NELL1: variants seen among roughly 807,000 people sequenced by gnomAD.
NELL1 encodes the protein neural EGFL like 1, also known as protein kinase C-binding protein NELL1.
In NELL1, 76 loss-of-function variants were observed where a neutral mutation model predicts 107.4. The observed-to-expected ratio is 0.71, with a 90% CI of 0.59 to 0.86. NELL1 has a LOEUF of 0.86. NELL1 is among the 40% of genes least tolerant of loss of function. The probability of loss-of-function intolerance (pLI) is 0.00; values close to 1 mark genes in which losing one functional copy is unlikely to be tolerated. For missense variants in NELL1, 1,024 were observed against 1,005.5 expected, an observed-to-expected ratio of 1.02 and a Z score of -0.25; for synonymous variants, 353 against 341.2, an observed-to-expected ratio of 1.03 and a Z score of -0.38.
In NELL1 at chr11:20,723,776, G is replaced by C. The variant is rs149679515; in HGVS notation, c.184+45716G>C. Among the ~76,000 whole-genome samples the C allele has an allele frequency of 2.1e-3, 319 of 152,264 alleles. 1 individual carries two copies. Among genetic ancestry groups the C allele is most frequent in the Non-Finnish European group, 3.5e-3 (236 of 68,020 alleles). On this transcript the variant is annotated intron_variant, in intron 2 of 19. Coordinates refer to ENST00000357134, the MANE Select transcript of NELL1 (RefSeq NM_006157.5). The stretch of plus-strand genomic sequence containing the variant: ...CACATTTTCCTTCCACACTGGCCTA[G>C]CAGAGGTTTTCCGTGAGGGCTCTGC...
intron 14 of NELL1, among the ~76,000 whole-genome samples, chr11:21,249,685 G>A (rs1296137745): frequency 6.6e-6 from 1 of 152,076 alleles, no homozygotes; most frequent in Non-Finnish European, 1.5e-5. Flanking sequence ...ATTGAATCAA[G>A]GAAATGCATA....
chr11:20,763,890 G>A (rs902704923), intron 2 of NELL1, among the ~76,000 whole-genome samples: 1 of 152,182 alleles, frequency 6.6e-6, no homozygotes, highest in Non-Finnish European at 1.5e-5. Context: ...GAGATGTGCT[G>A]GGGAGGGTCT....
At chr11:20,992,526 G>A (rs556239409) in intron 12 of NELL1, among the ~76,000 whole-genome samples, 2 of 152,104 alleles carry the variant, frequency 1.3e-5, no homozygotes, top group African/African-American at 4.8e-5. Context: ...TCTGTTCATA[G>A]TTTTTTGTCA....
At chr11:20,822,803 T>A (rs1335303874) in intron 3 of NELL1, among the ~76,000 whole-genome samples, 2 of 152,164 alleles carry the variant, frequency 1.3e-5, no homozygotes, top group Non-Finnish European at 2.9e-5. Flanking sequence ...GCTGGAAGAT[T>A]GGAGGTGGTA....
chr11:21,422,291 A>G (rs1162102275), intron 15 of NELL1, among the ~76,000 whole-genome samples: 3 of 152,172 alleles, frequency 2.0e-5, no homozygotes, highest in Non-Finnish European at 4.4e-5. Flanking sequence ...AGAAATAAAG[A>G]TCTCAATAAA....
At chr11:21,334,238 G>A (rs12421240) in intron 14 of NELL1, among the ~76,000 whole-genome samples, 19,173 of 151,922 alleles carry the variant, frequency 0.13, 1,411 homozygotes, top group East Asian at 0.25. Context: ...GATATTATGG[G>A]TGGTAAATAT....
chr11:21,067,844 C>T (rs1310184581), intron 12 of NELL1, among the ~76,000 whole-genome samples: 1 of 151,710 alleles, frequency 6.6e-6, no homozygotes, highest in Non-Finnish European at 1.5e-5. Flanking sequence ...ACCAGCCTAG[C>T]CAACATGGTG....
At chr11:21,239,418 A>G (rs945980734) in intron 14 of NELL1, among the ~76,000 whole-genome samples, 1 of 152,074 alleles carries the variant, frequency 6.6e-6, no homozygotes, top group Non-Finnish European at 1.5e-5. Context: ...ATACTGCCAT[A>G]TACATCTACC....
chr11:20,775,449 C>T (rs938329032), intron 2 of NELL1, among the ~76,000 whole-genome samples: 1 of 148,914 alleles, frequency 6.7e-6, no homozygotes, highest in Non-Finnish European at 1.5e-5. Context: ...CTATATAATG[C>T]ACTCTTAATC....
intron 3 of NELL1, among the ~76,000 whole-genome samples, chr11:20,801,191 C>T (rs2134002350): frequency 6.6e-6 from 1 of 152,192 alleles, no homozygotes; most frequent in East Asian, 1.9e-4. Flanking sequence ...AAACTCATTT[C>T]TTTATTCAAA....
intron 15 of NELL1, among the ~76,000 whole-genome samples, chr11:21,435,977 C>CT (rs1325745868): frequency 6.6e-6 from 1 of 151,950 alleles, no homozygotes; most frequent in Non-Finnish European, 1.5e-5. Context: ...CCAGGCATTT[C>CT]TTTTTTTAGG....
At chr11:20,942,611 C>T (rs1219615791) in intron 10 of NELL1, among the ~76,000 whole-genome samples, 1 of 152,126 alleles carries the variant, frequency 6.6e-6, no homozygotes, top group African/African-American at 2.4e-5. Context: ...AAAGACCATC[C>T]TCAATAAATG....
chr11:21,349,606 CT>C lies in NELL1; in HGVS notation c.1550-21237del, dbSNP rs199692799. Among the ~76,000 whole-genome samples the C allele has an allele frequency of 4.8e-4, 71 of 147,280 alleles. 1 individual carries two copies. The highest frequency in any genetic ancestry group is 3.0e-3 in the South Asian group (14 of 4,660). ...TGTGTTTTCCTAGTAAAATAGTGTCCTTTTTTTTTTAAAGCAGTGAATCAGA... is the reference window on the plus strand; with the variant it reads ...TGTGTTTTCCTAGTAAAATAGTGTCCTTTTTTTTTAAAGCAGTGAATCAGA... On this transcript the variant is annotated intron_variant, in intron 14 of 19. Coordinates refer to ENST00000357134, the MANE Select transcript of NELL1 (RefSeq NM_006157.5).
At chr11:21,238,909 A>C (rs1858277631) in intron 14 of NELL1, among the ~76,000 whole-genome samples, 1 of 152,100 alleles carries the variant, frequency 6.6e-6, no homozygotes, top group Admixed American at 6.6e-5. Flanking sequence ...CACCTGTGAA[A>C]GGTGATTGTA....
chr11:20,846,597 G>T (rs998636784), intron 3 of NELL1, among the ~76,000 whole-genome samples: 7 of 152,118 alleles, frequency 4.6e-5, no homozygotes, highest in Admixed American at 2.0e-4. Flanking sequence ...CAACAAACTG[G>T]CAGAAAGTGC....
chr11:21,483,887 A>G (rs1490332308), intron 15 of NELL1, among the ~76,000 whole-genome samples: 1 of 141,500 alleles, frequency 7.1e-6, no homozygotes, highest in African/African-American at 2.7e-5. Context: ...ACACACACAT[A>G]TATATATATA....
intron 3 of NELL1, among the ~76,000 whole-genome samples, chr11:20,829,791 A>AT (rs560933339): frequency 1.5e-4 from 23 of 150,178 alleles, no homozygotes; most frequent in South Asian, 1.3e-3. Context: ...AGTTATTATT[A>AT]TTTTTTTTTG....
intron 16 of NELL1, among the ~76,000 whole-genome samples, chr11:21,553,040 T>G (rs769781290): frequency 6.6e-6 from 1 of 151,904 alleles, no homozygotes; most frequent in Non-Finnish European, 1.5e-5. Context: ...TGAGAATTGC[T>G]GTATTGACAA....
rs372308229 is a variant in NELL1, at chr11:20,989,353, G to A, written c.1300+28793G>A. Among the ~76,000 whole-genome samples, 7 of 152,096 alleles carry A rather than the reference G, an allele frequency of 4.6e-5. No individual in the cohort carries two copies. The South Asian group carries it at 8.3e-4, about 18-fold the overall frequency. On this transcript the variant is annotated intron_variant, in intron 12 of 19. Coordinates refer to ENST00000357134, the MANE Select transcript of NELL1 (RefSeq NM_006157.5). ...TCCCAATTCTGGGCTGGAAAATCAG[G>A]CCTGTCTATTCACGCAGAAAGGTTA... is the stretch of plus-strand genomic sequence containing the variant.
Sources: gnomAD v4.1 joint callset for allele counts (sites outside exome capture counted in the v4.1 genomes callset) on GRCh38, gnomAD v4.1.1 for gene constraint, MANE v1.5 for transcripts, NCBI Gene and HGNC (gene_info 2026-07-23, HGNC 2026-07-21) for gene names.